AMD1: variants seen among roughly 807,000 people sequenced by gnomAD.
AMD1 encodes S-adenosylmethionine decarboxylase proenzyme.
A neutral mutation model predicts 40.2 loss-of-function variants in AMD1; 11 were observed. The ratio of observed to expected loss-of-function variants is 0.27; its 90% CI spans 0.17 to 0.45. The LOEUF (loss-of-function observed/expected upper bound fraction) is 0.45, where lower values mean the gene tolerates loss of function less well. AMD1 is among the 20% of genes least tolerant of loss of function. The pLI, the probability that AMD1 is intolerant of heterozygous loss-of-function variation, is 1.00. For missense variants in AMD1, 257 were observed against 410.2 expected (o/e 0.63, Z 3.23); for synonymous variants, 121 against 130.8 (o/e 0.93, Z 0.51).
At chr6:110,836,617 C>A in the AMD1 span, among the ~76,000 whole-genome samples, 15 of 148,226 alleles carry the variant, frequency 1.0e-4, no homozygotes, top group African/African-American at 3.7e-4. Context: ...TTTCTAAAAT[C>A]TTAATAAAAC....
chr6:110,857,105 G>A, the AMD1 span, among the ~76,000 whole-genome samples: 6 of 151,806 alleles, frequency 4.0e-5, no homozygotes, highest in South Asian at 2.1e-4. Flanking sequence ...CGGAGGTTGC[G>A]GGGAGCACAG....
At chr6:110,883,637 G>A (rs1466019637) in intron 1 of AMD1, among the ~76,000 whole-genome samples, 2 of 152,196 alleles carry the variant, frequency 1.3e-5, no homozygotes, top group African/African-American at 4.8e-5. Context: ...TGTAGCCAGG[G>A]CTGGAGTGCA....
At chr6:110,845,787 A>T in the AMD1 span, among the ~76,000 whole-genome samples, 1 of 152,090 alleles carries the variant, frequency 6.6e-6, no homozygotes, top group Non-Finnish European at 1.5e-5. Context: ...CTACTGTGGG[A>T]CTTCGCCTTG....
At chr6:110,863,090 A>G in the AMD1 span, among the ~76,000 whole-genome samples, 48 of 151,492 alleles carry the variant, frequency 3.2e-4, no homozygotes, top group African/African-American at 1.0e-3. Flanking sequence ...GACTACAGGC[A>G]CCCACCACCA....
At chr6:110,815,682 A>G in the AMD1 span, 1 of 152,438 alleles carries the variant, frequency 6.6e-6, no homozygotes, top group Admixed American at 6.6e-5. Flanking sequence ...AGAAAGCTCG[A>G]AGTTCCAGTG....
chr6:110,829,422 G>A, the AMD1 span, among the ~76,000 whole-genome samples: 2 of 151,922 alleles, frequency 1.3e-5, no homozygotes, highest in African/African-American at 2.4e-5. Flanking sequence ...GCTCATGCCT[G>A]TAATCCCAGC....
At chr6:110,839,783 T>A in the AMD1 span, among the ~76,000 whole-genome samples, 1 of 152,124 alleles carries the variant, frequency 6.6e-6, no homozygotes, top group Non-Finnish European at 1.5e-5. Context: ...AATTGGAGCT[T>A]AGGCTATTGT....
the AMD1 span, among the ~76,000 whole-genome samples, chr6:110,847,093 A>G: frequency 6.8e-6 from 1 of 147,024 alleles, no homozygotes; most frequent in Non-Finnish European, 1.5e-5. Context: ...TGTGTGTATA[A>G]ATTTATAAAT....
At chr6:110,871,549 C>CTGTATAACGAGGTGATTTGT (rs1439761644), upstream of AMD1, among the ~76,000 whole-genome samples, 1 of 152,030 alleles carries the variant, frequency 6.6e-6, no homozygotes, top group Non-Finnish European at 1.5e-5. Context: ...TAAGCAACTG[C>CTGTATAACGAGGTGATTTGT]TGTATAACGA....
In AMD1 at chr6:110,888,111, A is replaced by T. The variant is rs185965867; in HGVS notation, c.197+520A>T. Among the ~76,000 whole-genome samples, 27 of 152,186 alleles carry T rather than the reference A, an allele frequency of 1.8e-4. 1 individual carries two copies. The highest frequency in any genetic ancestry group is 6.0e-4 in the African/African-American group (25 of 41,518). On this transcript the variant is annotated intron_variant, in intron 2 of 8. Coordinates refer to ENST00000368885, the MANE Select transcript of AMD1 (RefSeq NM_001634.6). ...AAGGTGTTTGCCGTCTTTTCCTCCC[A>T]ATTGGTAAAGAAGGACCTCTTAATT...
chr6:110,834,946 CAAA>C, the AMD1 span, among the ~76,000 whole-genome samples: 2 of 120,568 alleles, frequency 1.7e-5, no homozygotes, highest in African/African-American at 6.2e-5. Flanking sequence ...AGACTCCATC[CAAA>C]AAAAAAAAAA....
At chr6:110,893,416 T>C in intron 8 of AMD1, 60 bp from the exon 9 acceptor site, 2 of 1,591,980 alleles carry the variant, frequency 1.3e-6, no homozygotes, top group Non-Finnish European at 8.6e-7. Flanking sequence ...CTTAACTGTT[T>C]TGGTTGAAAA....
At chr6:110,874,778 C>T (rs1300316432), upstream of AMD1, 4 of 200,004 alleles carry the variant, frequency 2.0e-5, no homozygotes, top group African/African-American at 9.3e-5. Context: ...GCTCACGCAG[C>T]GCTCTCGCTT....
the AMD1 span, chr6:110,815,112 G>C: frequency 6.2e-7 from 1 of 1,601,954 alleles, no homozygotes; most frequent in Non-Finnish European, 8.5e-7. Context: ...TCCGCCGCCA[G>C]CTTCGCCTTG....
At chr6:110,875,306 G>A in intron 1 of AMD1, 91 bp downstream of exon 1, 1 of 1,071,656 alleles carries the variant, frequency 9.3e-7, no homozygotes, top group Non-Finnish European at 1.4e-6. Flanking sequence ...AGTTCCCTCA[G>A]CTTTCAGTTG....
the AMD1 span, among the ~76,000 whole-genome samples, chr6:110,833,156 G>A: frequency 6.6e-6 from 1 of 152,142 alleles, no homozygotes; most frequent in Non-Finnish European, 1.5e-5. Context: ...AAGAATCACA[G>A]TATAAAGGCA....
At chr6:110,875,323 A>G in intron 1 of AMD1, 108 bp downstream of exon 1, 1 of 929,140 alleles carries the variant, frequency 1.1e-6, no homozygotes, top group Non-Finnish European at 1.7e-6. Context: ...GTTGGGGGCA[A>G]GTCTGCGGCC....
Position 110,893,692 on chromosome 6 carries a change from G to C in AMD1, c.*76G>C. On this transcript the variant is annotated 3_prime_UTR_variant, in exon 9 of 9. Transcript: ENST00000368885. Reference sequence around the variant, plus strand: ...TGGATGCTTTCTAGATGTCGATGCTGGGGGCAGTGCTTTCCATAACCACCA... The same window carrying C: ...TGGATGCTTTCTAGATGTCGATGCTCGGGGCAGTGCTTTCCATAACCACCA... 2.0e-6 allele frequency: 3 copies of C among 1,517,730 alleles called. No homozygotes were observed. Among genetic ancestry groups the C allele is most frequent in the Non-Finnish European group, 1.8e-6 (2 of 1,118,490 alleles). The allele number at this position is 1,517,730 out of a possible 1,614,324, so 94.0% of individuals were successfully genotyped here.
chr6:110,887,610 G>GT lies in AMD1; in HGVS notation c.197+20dup. 1 of 1,535,954 alleles carries GT rather than the reference G, an allele frequency of 6.5e-7. No individual in the cohort carries two copies. The highest frequency in any genetic ancestry group is 8.9e-7 in the Non-Finnish European group (1 of 1,129,540). ...TACTCAGGTAAGTCCTGTAAAACAA[G>GT]TGTTAGGTAGCTAATTTCAGTCCTA... On this transcript the variant is annotated intron_variant, in intron 2 of 8. Transcript: ENST00000368885.
Sources: gnomAD v4.1 joint callset for allele counts (sites outside exome capture counted in the v4.1 genomes callset) on GRCh38, gnomAD v4.1.1 for gene constraint, MANE v1.5 for transcripts, NCBI Gene and HGNC (gene_info 2026-07-23, HGNC 2026-07-21) for gene names.